The following RUNX1T1 variants were observed in gnomAD, a reference collection of about 807,000 sequenced individuals.
The protein encoded by RUNX1T1 is protein CBFA2T1.
Under a neutral mutation model 62.8 loss-of-function variants are expected in RUNX1T1, and 4 were observed. The observed-to-expected ratio is 0.06, with a 90% confidence interval of 0.03 to 0.15. RUNX1T1 has a LOEUF of 0.15. Ranked by LOEUF, RUNX1T1 falls within the 10% of genes least tolerant of loss-of-function variation. The probability of loss-of-function intolerance (pLI) is 1.00; values close to 1 mark genes in which losing one functional copy is unlikely to be tolerated. For missense variants in RUNX1T1, 508 were observed against 754.3 expected, an observed-to-expected ratio of 0.67 and a Z score of 3.82; for synonymous variants, 291 against 286.0, an observed-to-expected ratio of 1.02 and a Z score of -0.18.
chr8:91,993,176 T>C (rs776951328), intron 5 of RUNX1T1, among the ~76,000 whole-genome samples: 3 of 152,202 alleles, frequency 2.0e-5, no homozygotes, highest in Admixed American at 1.3e-4. Context: ...AGGCACTTCT[T>C]CTACTTTCCC....
intron 5 of RUNX1T1, among the ~76,000 whole-genome samples, chr8:92,004,189 C>A (rs1356411864): frequency 6.6e-6 from 1 of 152,174 alleles, no homozygotes; most frequent in African/African-American, 2.4e-5. Context: ...GTGTTAACCT[C>A]TCAAAGGCTG....
intron 1 of RUNX1T1, chr8:92,099,525 A>T (rs1837943447): frequency 2.5e-5 from 16 of 634,724 alleles, no homozygotes; most frequent in Non-Finnish European, 2.9e-5. Flanking sequence ...AGAACCTTTA[A>T]ATGCCCAAAC....
intron 1 of RUNX1T1, chr8:92,019,005 T>C (rs1205091282): frequency 6.6e-6 from 1 of 152,146 alleles, no homozygotes; most frequent in Non-Finnish European, 1.5e-5. Flanking sequence ...CCTTTATCTA[T>C]TGTTAAAAAC....
chr8:92,047,687 G>A (rs1044543666), intron 1 of RUNX1T1, among the ~76,000 whole-genome samples: 1 of 151,690 alleles, frequency 6.6e-6, no homozygotes, highest in Non-Finnish European at 1.5e-5. Context: ...TGAGCTACAG[G>A]GTATTTTTAT....
chr8:92,084,776 G>A (rs1030693458), intron 1 of RUNX1T1, among the ~76,000 whole-genome samples: 2 of 152,278 alleles, frequency 1.3e-5, no homozygotes, highest in South Asian at 2.1e-4. Context: ...GTGTCCAAAC[G>A]TGAAGCAACC....
upstream of RUNX1T1, among the ~76,000 whole-genome samples, chr8:92,063,982 T>C (rs1587420375): frequency 6.6e-6 from 1 of 152,156 alleles, no homozygotes; most frequent in African/African-American, 2.4e-5. Context: ...GTCCTCAACA[T>C]GTCCTTTACT....
chr8:91,998,604 A>G (rs1439867558), intron 5 of RUNX1T1, among the ~76,000 whole-genome samples: 1 of 152,228 alleles, frequency 6.6e-6, no homozygotes, highest in Non-Finnish European at 1.5e-5. Context: ...CCTTCCCTCC[A>G]GCAGCGAGAA....
At chr8:92,028,770 G>A (rs1053011849) in intron 1 of RUNX1T1, among the ~76,000 whole-genome samples, 13 of 152,144 alleles carry the variant, frequency 8.5e-5, no homozygotes, top group African/African-American at 2.9e-4. Flanking sequence ...TGTCCAAAGA[G>A]AAGAGAAAGA....
At chr8:91,959,228 C>T in exon 11 of RUNX1T1, 1 of 217,832 alleles carries the variant, frequency 4.6e-6, no homozygotes, top group Non-Finnish European at 9.3e-6. Flanking sequence ...TGGAAAGGGG[C>T]TGGAGCTGAA....
At chr8:92,048,270 G>T (rs1389275800) in intron 1 of RUNX1T1, among the ~76,000 whole-genome samples, 1 of 152,018 alleles carries the variant, frequency 6.6e-6, no homozygotes, top group Admixed American at 6.6e-5. Flanking sequence ...TAACATATAG[G>T]CCCTATTTCC....
At chr8:92,056,753 C>A (rs1307703658) in intron 1 of RUNX1T1, among the ~76,000 whole-genome samples, 1 of 152,050 alleles carries the variant, frequency 6.6e-6, no homozygotes, top group African/African-American at 2.4e-5. Flanking sequence ...AGTCTCACCA[C>A]CAAAAAACGT....
chr8:91,978,333 G>A (rs1175502278), intron 8 of RUNX1T1, among the ~76,000 whole-genome samples: 3 of 152,124 alleles, frequency 2.0e-5, no homozygotes, highest in African/African-American at 7.2e-5. Flanking sequence ...TGAGAGCACT[G>A]CTGTGAAGAT....
intron 9 of RUNX1T1, among the ~76,000 whole-genome samples, chr8:91,972,069 CAAGT>C (rs1160506883): frequency 6.6e-6 from 1 of 152,070 alleles, no homozygotes; most frequent in East Asian, 1.9e-4. Flanking sequence ...ATGTTTCATT[CAAGT>C]GTTTGCACTT....
chr8:91,991,978 C>T (rs1260565635), intron 5 of RUNX1T1, 89 bp from the exon 7 acceptor site: 6 of 1,415,214 alleles, frequency 4.2e-6, no homozygotes, highest in Non-Finnish European at 4.9e-6. Flanking sequence ...GGAATAAAAA[C>T]AGAATATTTT....
chr8:92,095,467 T>C (rs1261072369), intron 1 of RUNX1T1: 5 of 1,534,246 alleles, frequency 3.3e-6, no homozygotes, highest in Admixed American at 3.9e-5. Context: ...GGATGGCACA[T>C]TGTGTGTGAG....
At chr8:91,974,197 AAAC>A (rs1813433414) in intron 9 of RUNX1T1, among the ~76,000 whole-genome samples, 1 of 152,138 alleles carries the variant, frequency 6.6e-6, no homozygotes. Flanking sequence ...AGGAAAAAAT[AAAC>A]AACTGATTAA....
exon 7 of RUNX1T1, chr8:91,986,922 T>C: frequency 3.1e-6 from 5 of 1,612,448 alleles, no homozygotes; most frequent in Non-Finnish European, 4.2e-6. Flanking sequence ...GCCCATTCTC[T>C]GTCTGTTAGT....
At chr8:92,051,202 C>G (rs1031582011) in intron 1 of RUNX1T1, among the ~76,000 whole-genome samples, 1 of 152,038 alleles carries the variant, frequency 6.6e-6, no homozygotes, top group Non-Finnish European at 1.5e-5. Flanking sequence ...CTATTGATTC[C>G]TCAGCATCTA....
chr8:91,995,403 G>T (rs766531509), intron 5 of RUNX1T1, among the ~76,000 whole-genome samples: 14 of 152,128 alleles, frequency 9.2e-5, no homozygotes, highest in African/African-American at 3.1e-4. Flanking sequence ...AGGTCTTACT[G>T]TCCTATCCTG....
Sources: allele counts gnomAD v4.1 joint callset (sites outside exome capture counted in the v4.1 genomes callset), GRCh38; gene constraint gnomAD v4.1.1; transcripts MANE v1.5; gene names NCBI Gene and HGNC (gene_info 2026-07-23, HGNC 2026-07-21).